Variants in RARB observed in about 807,000 individuals in gnomAD.
RARB encodes the protein HBV-activated protein.
Under a neutral mutation model 51.9 loss-of-function variants are expected in RARB, and 17 were observed. The ratio of observed to expected loss-of-function variants is 0.33; its 90% CI spans 0.22 to 0.49. RARB has a LOEUF of 0.49. Among genes scored for constraint, RARB ranks in the 20% least tolerant of loss-of-function variants. RARB has a pLI of 0.99. For missense variants in RARB, 369 were observed against 550.8 expected, an observed-to-expected ratio of 0.67 and a Z score of 3.30; for synonymous variants, 215 against 195.4, an observed-to-expected ratio of 1.10 and a Z score of -0.84.
At chr3:24,897,642 T>A (rs912796020) in intron 2 of RARB, among the ~76,000 whole-genome samples, 2 of 152,204 alleles carry the variant, frequency 1.3e-5, no homozygotes, top group South Asian at 4.1e-4. Flanking sequence ...GTGGTGGTTA[T>A]TCTTTTTCTA....
chr3:25,003,698 T>G (rs926701386), intron 2 of RARB, among the ~76,000 whole-genome samples: 3 of 152,100 alleles, frequency 2.0e-5, no homozygotes, highest in African/African-American at 7.2e-5. Context: ...TGTGCAAGAT[T>G]GAGTATTTAC....
chr3:24,925,532 C>T (rs747759608), intron 2 of RARB, among the ~76,000 whole-genome samples: 2 of 151,322 alleles, frequency 1.3e-5, no homozygotes, highest in Non-Finnish European at 2.9e-5. Flanking sequence ...GTCTCAGCCA[C>T]TCTAGACACT....
At chr3:25,585,944 G>A (rs1056904742) in intron 5 of RARB, among the ~76,000 whole-genome samples, 40 of 152,180 alleles carry the variant, frequency 2.6e-4, no homozygotes, top group African/African-American at 9.2e-4. Context: ...CAGGGTCAGT[G>A]TGGAGCCAGG....
At chr3:25,069,145 G>C (rs1443501650) in intron 3 of RARB, among the ~76,000 whole-genome samples, 2 of 152,086 alleles carry the variant, frequency 1.3e-5, no homozygotes, top group Non-Finnish European at 2.9e-5. Context: ...AGAAGGGTAA[G>C]GAAGAAGGAA....
At chr3:25,295,512 T>C (rs181617135) in intron 5 of RARB, among the ~76,000 whole-genome samples, 13 of 152,290 alleles carry the variant, frequency 8.5e-5, no homozygotes, top group African/African-American at 3.1e-4. Flanking sequence ...TATTACCCAG[T>C]CTAAGGTATT....
At chr3:24,889,081 T>C (rs1462250336) in intron 2 of RARB, among the ~76,000 whole-genome samples, 3 of 152,144 alleles carry the variant, frequency 2.0e-5, no homozygotes, top group Non-Finnish European at 2.9e-5. Flanking sequence ...GTGAGAGCAA[T>C]GCACTGTCCC....
At chr3:25,566,517 C>T (rs747382330) in intron 3 of RARB, among the ~76,000 whole-genome samples, 16 of 152,180 alleles carry the variant, frequency 1.1e-4, no homozygotes, top group Non-Finnish European at 1.6e-4. Context: ...ATTTTGCAAA[C>T]GGCGTGTGTG....
intron 5 of RARB, among the ~76,000 whole-genome samples, chr3:25,340,370 T>C (rs754198930): frequency 3.3e-5 from 5 of 152,190 alleles, no homozygotes; most frequent in Admixed American, 6.6e-5. Context: ...GGACTAGATA[T>C]AACCATCCCT....
intron 3 of RARB, among the ~76,000 whole-genome samples, chr3:25,081,579 TCATATA>T (rs1160438629): frequency 2.1e-4 from 16 of 75,578 alleles, no homozygotes; most frequent in African/African-American, 7.5e-4. Context: ...AGTGTTTGCT[TCATATA>T]CATATATATA....
intron 2 of RARB, among the ~76,000 whole-genome samples, chr3:24,908,243 G>A (rs1035320506): frequency 6.6e-6 from 1 of 152,154 alleles, no homozygotes; most frequent in Non-Finnish European, 1.5e-5. Context: ...TTGATTTAAG[G>A]CGTTCGCTTT....
intron 5 of RARB, among the ~76,000 whole-genome samples, chr3:25,369,179 G>A (rs1475878105): frequency 1.3e-5 from 2 of 152,114 alleles, no homozygotes; most frequent in Non-Finnish European, 2.9e-5. Flanking sequence ...ACAGTATACA[G>A]TTATAGTGTT....
At chr3:25,523,731 T>C (rs1448064357) in intron 3 of RARB, among the ~76,000 whole-genome samples, 2 of 152,222 alleles carry the variant, frequency 1.3e-5, no homozygotes, top group Non-Finnish European at 1.5e-5. Flanking sequence ...ATAGCTTTCT[T>C]CTTATTTTCC....
chr3:25,380,958 G>A (rs1447345171), intron 5 of RARB, among the ~76,000 whole-genome samples: 6 of 151,716 alleles, frequency 4.0e-5, no homozygotes, highest in Non-Finnish European at 7.4e-5. Flanking sequence ...TATCTACCTC[G>A]ACCTTTCCAT....
Position 24,945,761 on chromosome 3 carries a change from C to G in RARB, c.-380+87009C>G, listed in dbSNP as rs74837939. Among the ~76,000 whole-genome samples the G allele has an allele frequency of 3.0e-4, 46 of 152,332 alleles. No individual in the cohort carries two copies. The East Asian group carries it at 8.9e-3, about 29-fold the overall frequency. ...CTGAAATAGATGTATTTCTTGTTCT[C>G]CTTGACACCTTATGCAACTCCCTGA... On this transcript the variant is annotated intron_variant, in intron 2 of 11. Transcript: ENST00000383772.
rs144219231 is a variant in RARB, at chr3:25,142,386, A to G, written c.-280+10178A>G. Among the ~76,000 whole-genome samples, 19 of 152,284 alleles carry G rather than the reference A, an allele frequency of 1.2e-4. No homozygotes were observed. The East Asian group carries it at 3.5e-3, about 28-fold the overall frequency. On this transcript the variant is annotated intron_variant, in intron 4 of 11. Transcript: ENST00000383772. ...TTGAGATGCAACTCAGAACCATTGA[A>G]TCAGGATCTGCATTTTAACAAGACC... is the stretch of plus-strand genomic sequence containing the variant.
At chr3:25,351,376 C>T (rs1157206016) in intron 5 of RARB, among the ~76,000 whole-genome samples, 2 of 152,044 alleles carry the variant, frequency 1.3e-5, no homozygotes, top group East Asian at 1.9e-4. Flanking sequence ...TTGTGCTCAT[C>T]CTCCTGTCCC....
intron 2 of RARB, among the ~76,000 whole-genome samples, chr3:24,946,766 G>T (rs982761202): frequency 2.0e-5 from 3 of 152,092 alleles, no homozygotes; most frequent in Admixed American, 2.0e-4. Flanking sequence ...CCAAGAAACT[G>T]AGGTGGGAAG....
chr3:24,930,221 G>A (rs893261980), intron 2 of RARB, among the ~76,000 whole-genome samples: 1 of 152,030 alleles, frequency 6.6e-6, no homozygotes, highest in Non-Finnish European at 1.5e-5. Context: ...TCTGATTTTA[G>A]GCAGAATGTA....
At chr3:24,892,525 TTAAGA>T (rs1575057597) in intron 2 of RARB, among the ~76,000 whole-genome samples, 1 of 152,184 alleles carries the variant, frequency 6.6e-6, no homozygotes, top group East Asian at 1.9e-4. Context: ...CAATCAATAG[TTAAGA>T]TATGAGGCTT....
Sources: allele counts gnomAD v4.1 joint callset (sites outside exome capture counted in the v4.1 genomes callset), GRCh38; gene constraint gnomAD v4.1.1; transcripts MANE v1.5; gene names NCBI Gene and HGNC (gene_info 2026-07-23, HGNC 2026-07-21).